FOXN3: variants seen among roughly 807,000 people sequenced by gnomAD.
The protein encoded by FOXN3 is forkhead box protein N3.
A neutral mutation model predicts 38.4 loss-of-function variants in FOXN3; 7 were observed. That is an observed-to-expected ratio of 0.18 (90% confidence interval 0.10 to 0.34). The LOEUF is 0.34. FOXN3 is among the 10% of genes least tolerant of loss of function. The pLI is 1.00. For missense variants in FOXN3, 456 were observed against 613.4 expected (o/e 0.74, Z 2.71); for synonymous variants, 230 against 242.2 (o/e 0.95, Z 0.47).
intron 4 of FOXN3, among the ~76,000 whole-genome samples, chr14:89,188,996 A>G (rs1484810084): frequency 6.6e-6 from 1 of 152,118 alleles, no homozygotes; most frequent in Non-Finnish European, 1.5e-5. Flanking sequence ...AGGCAGCCCA[A>G]CATTGCAATG....
chr14:89,553,859 G>T (rs114243116), intron 1 of FOXN3, among the ~76,000 whole-genome samples: 7,299 of 152,162 alleles, frequency 0.048, 352 homozygotes, highest in African/African-American at 0.12. Flanking sequence ...GTCAACACAG[G>T]TTAGTTTTCC....
chr14:89,236,502 G>C (rs1018473985), intron 4 of FOXN3, among the ~76,000 whole-genome samples: 1 of 152,098 alleles, frequency 6.6e-6, no homozygotes, highest in Non-Finnish European at 1.5e-5. Context: ...GCAACAGAGC[G>C]AGACTCTGTC....
chr14:89,573,287 G>A (rs1478812695), intron 1 of FOXN3, among the ~76,000 whole-genome samples: 4 of 152,138 alleles, frequency 2.6e-5, no homozygotes, highest in Non-Finnish European at 5.9e-5. Flanking sequence ...AGCAGATATG[G>A]TCTGAATTGG....
At chr14:89,405,111 G>C (rs1327116127) in intron 2 of FOXN3, among the ~76,000 whole-genome samples, 1 of 152,094 alleles carries the variant, frequency 6.6e-6, no homozygotes, top group Non-Finnish European at 1.5e-5. Flanking sequence ...CTGACACATA[G>C]AGGTGCAACC....
chr14:89,162,485 A>T lies in FOXN3; in HGVS notation c.1336T>A (p.Ser446Thr). 1 of 1,611,208 alleles carries T rather than the reference A, an allele frequency of 6.2e-7. No individual in the cohort carries two copies. The change falls in exon 6 of 6, where the codon TCC becomes ACC. Residue 446 changes from serine (S) to threonine (T), a missense_variant. By Grantham distance (58) the Ser-to-Thr change is moderately conservative. Coordinates refer to ENST00000557258, the MANE Select transcript of FOXN3 (RefSeq NM_005197.4). The surrounding 1 kb of genome is among the most constrained non-coding windows in gnomAD (Gnocchi z 7.2). The part of the protein sequence containing the change: ...GSLLHLAGIR[S>T]CLNNITNRTA... ...CGATTGGTGATGTTATTCAAACAGG[A>T]CCGGATCCCTGCTAAGTGCAGGAGG...
At chr14:89,525,090 G>A (rs1894407177) in intron 1 of FOXN3, among the ~76,000 whole-genome samples, 1 of 152,126 alleles carries the variant, frequency 6.6e-6, no homozygotes, top group Non-Finnish European at 1.5e-5. Context: ...GAATATGTCA[G>A]AGGTGTTCAA....
At chr14:89,546,841 T>C (rs1235478438) in intron 1 of FOXN3, among the ~76,000 whole-genome samples, 1 of 152,110 alleles carries the variant, frequency 6.6e-6, no homozygotes, top group Admixed American at 6.6e-5. Context: ...TGGAGTGCAG[T>C]GGCGTGATCC....
intron 2 of FOXN3, among the ~76,000 whole-genome samples, chr14:89,393,583 G>C (rs933038993): frequency 6.6e-6 from 1 of 152,142 alleles, no homozygotes; most frequent in Admixed American, 6.5e-5. Flanking sequence ...CAGAAACGGA[G>C]CTCCCCCATA....
chr14:89,244,706 C>T (rs1885238797), intron 4 of FOXN3, among the ~76,000 whole-genome samples: 1 of 152,168 alleles, frequency 6.6e-6, no homozygotes, highest in South Asian at 2.1e-4. Context: ...AGAAGAGAAA[C>T]ATACCAAAAG....
chr14:89,222,543 A>G (rs1452350229), intron 4 of FOXN3, among the ~76,000 whole-genome samples: 1 of 152,146 alleles, frequency 6.6e-6, no homozygotes, highest in African/African-American at 2.4e-5. Flanking sequence ...CTGCCTCTTT[A>G]TTTTGTGGCC....
intron 1 of FOXN3, among the ~76,000 whole-genome samples, chr14:89,524,170 C>G (rs146781592): frequency 6.8e-6 from 1 of 146,910 alleles, no homozygotes; most frequent in Non-Finnish European, 1.5e-5. Flanking sequence ...GTCAGGAGAT[C>G]GAGACCATCC....
intron 1 of FOXN3, among the ~76,000 whole-genome samples, chr14:89,574,735 GGAACAAGAAAAGAAGAC>G (rs1895565891): frequency 6.6e-6 from 1 of 152,144 alleles, no homozygotes; most frequent in Non-Finnish European, 1.5e-5. Flanking sequence ...GGCAGTGGCT[GGAACAAGAAAAGAAGAC>G]TGGGCCAAAT....
intron 2 of FOXN3, among the ~76,000 whole-genome samples, chr14:89,390,155 C>T (rs1469422067): frequency 2.0e-5 from 3 of 150,352 alleles, no homozygotes; most frequent in African/African-American, 7.3e-5. Context: ...GAGCCTGGGA[C>T]GTTGAGGCTG....
chr14:89,556,397 C>T (rs1331838471), intron 1 of FOXN3, among the ~76,000 whole-genome samples: 3 of 148,610 alleles, frequency 2.0e-5, no homozygotes, highest in Non-Finnish European at 4.4e-5. Context: ...GAGTGAAACT[C>T]CATCTCAAAA....
chr14:89,163,522 C>T lies in FOXN3; in HGVS notation c.852-553G>A, dbSNP rs8009352. Among the ~76,000 whole-genome samples the T allele has an allele frequency of 0.2, 30,243 of 152,044 alleles. 3,642 individuals carry two copies. Among genetic ancestry groups the T allele is most frequent in the East Asian group, 0.43 (2,189 of 5,144 alleles). On this transcript the variant is annotated intron_variant, in intron 5 of 5. Transcript: ENST00000557258. This position sits in a 1 kb window ranked among gnomAD's most constrained non-coding sequence, Gnocchi z 4.3. ...CTACAAATACTCACTGAGCGCCTAA[C>T]AGAAATGCATGACCTTAGGGAGGGT...
intron 1 of FOXN3, among the ~76,000 whole-genome samples, chr14:89,587,801 G>A (rs2139920936): frequency 6.8e-6 from 1 of 147,000 alleles, no homozygotes; most frequent in Admixed American, 7.0e-5. Flanking sequence ...GGTAGGCAGA[G>A]GTTGCAGTGA....
intron 2 of FOXN3, among the ~76,000 whole-genome samples, chr14:89,381,688 T>C (rs980462316): frequency 6.6e-6 from 1 of 151,536 alleles, no homozygotes; most frequent in African/African-American, 2.4e-5. Flanking sequence ...GAAGACCCCA[T>C]CTCTATGAAA....
intron 3 of FOXN3, among the ~76,000 whole-genome samples, chr14:89,325,295 A>C (rs1465848987): frequency 8.2e-4 from 67 of 82,004 alleles, no homozygotes; most frequent in African/African-American, 1.3e-3. Flanking sequence ...AACACCACCA[A>C]CACCAACACC....
At chr14:89,272,146 C>G (rs1310061158) in intron 4 of FOXN3, among the ~76,000 whole-genome samples, 1 of 151,862 alleles carries the variant, frequency 6.6e-6, no homozygotes, top group Non-Finnish European at 1.5e-5. Context: ...CCCGTCTCTA[C>G]TAAAAATACA....
Sources: gnomAD v4.1 joint callset for allele counts (sites outside exome capture counted in the v4.1 genomes callset) on GRCh38, gnomAD v4.1.1 for gene constraint, Gnocchi (gnomAD v3.1) non-coding constraint, MANE v1.5 for transcripts, NCBI Gene and HGNC (gene_info 2026-07-23, HGNC 2026-07-21) for gene names.